The following NDST1 variants were observed in gnomAD, a reference collection of about 807,000 sequenced individuals.
NDST1 encodes the protein bifunctional heparan sulfate N-deacetylase/N-sulfotransferase 1.
A neutral mutation model predicts 92.8 loss-of-function variants in NDST1; 35 were observed. The observed-to-expected ratio is 0.38, with a 90% CI of 0.29 to 0.50. The LOEUF (loss-of-function observed/expected upper bound fraction) is 0.50. NDST1 is among the 20% of genes least tolerant of loss of function. NDST1 has a pLI of 0.94. For missense variants in NDST1, 822 were observed against 1,182.7 expected (o/e 0.69, Z 4.47); for synonymous variants, 493 against 500.3 (o/e 0.99, Z 0.19).
At chr5:150,535,593 C>A in intron 5 of NDST1, 107 bp from the exon 6 acceptor site, 1 of 1,394,918 alleles carries the variant, frequency 7.2e-7, no homozygotes, top group Non-Finnish European at 1.0e-6. Context: ...GACCAGCAGC[C>A]ATGCCGACCT....
intron 1 of NDST1, among the ~76,000 whole-genome samples, chr5:150,513,341 A>C (rs1753810425): frequency 6.6e-6 from 1 of 152,146 alleles, no homozygotes; most frequent in Non-Finnish European, 1.5e-5. Flanking sequence ...AAATACAAAA[A>C]TTAGCTGGGC....
intron 3 of NDST1, 36 bp downstream of exon 3, chr5:150,528,334 G>T: frequency 6.4e-7 from 1 of 1,554,756 alleles, no homozygotes; most frequent in South Asian, 1.2e-5. Flanking sequence ...CAAGGCAGGT[G>T]GGGCCTGGCA....
intron 3 of NDST1, 127 bp from the exon 4 acceptor site, chr5:150,532,818 C>A: frequency 1.1e-6 from 1 of 914,504 alleles, no homozygotes; most frequent in Non-Finnish European, 1.8e-6. Flanking sequence ...TGAGCCACCA[C>A]GCCGTCCTTG....
intron 1 of NDST1, among the ~76,000 whole-genome samples, chr5:150,516,557 A>T (rs1244729379): frequency 6.6e-6 from 1 of 152,192 alleles, no homozygotes; most frequent in Admixed American, 6.5e-5. Flanking sequence ...TTAGTTTTGA[A>T]TCGAAGCCAC....
At chr5:150,550,642 A>G (rs1755682464) in intron 13 of NDST1, 1 of 152,258 alleles carries the variant, frequency 6.6e-6, no homozygotes, top group Non-Finnish European at 1.5e-5. Flanking sequence ...CCTTGGCTCC[A>G]TTCTTGGGAA....
At chr5:150,506,866 C>G (rs897601601), upstream of NDST1, among the ~76,000 whole-genome samples, 1 of 152,206 alleles carries the variant, frequency 6.6e-6, no homozygotes, top group African/African-American at 2.4e-5. Flanking sequence ...TCAGCAGGCC[C>G]TGTGTTGTAC....
At chr5:150,544,682 T>C (rs961988863) in intron 10 of NDST1, among the ~76,000 whole-genome samples, 1 of 152,018 alleles carries the variant, frequency 6.6e-6, no homozygotes, top group African/African-American at 2.4e-5. Context: ...GGGTCTGGAG[T>C]GTTCCTTTGG....
At chr5:150,547,089 G>T (rs1755521254) in intron 11 of NDST1, among the ~76,000 whole-genome samples, 3 of 152,228 alleles carry the variant, frequency 2.0e-5, no homozygotes, top group African/African-American at 7.2e-5. Flanking sequence ...GTTTCTAGAA[G>T]GCAGAGGAGG....
chr5:150,535,650 A>G (rs1191935646), intron 5 of NDST1, 50 bp from the exon 6 acceptor site: 2 of 1,607,380 alleles, frequency 1.2e-6, no homozygotes, highest in East Asian at 2.2e-5. Context: ...GATAAGGCCC[A>G]AAGGGGAAGG....
chr5:150,529,021 A>G (rs1017923199), intron 3 of NDST1, among the ~76,000 whole-genome samples: 2 of 152,282 alleles, frequency 1.3e-5, no homozygotes, highest in Middle Eastern at 3.4e-3. Context: ...TAAAATAAGG[A>G]TGAGAGCTTG....
At chr5:150,537,455 T>G (rs1755043698) in intron 6 of NDST1, among the ~76,000 whole-genome samples, 3 of 152,324 alleles carry the variant, frequency 2.0e-5, no homozygotes, top group Non-Finnish European at 4.4e-5. Context: ...AACGTTTGTC[T>G]TTTACAGTTG....
rs186771000 is a variant in NDST1, at chr5:150,555,283, C to G, written c.*1951C>G. On this transcript the variant is annotated 3_prime_UTR_variant, in exon 15 of 15. Coordinates refer to ENST00000261797, the MANE Select transcript of NDST1 (RefSeq NM_001543.5). ...CAGGGTGCCTTTGAGCCTTCTCATT[C>G]CGAGGTCTGCGTTTGCATCCCTGTC... 6.5e-6 allele frequency: 1 copy of G among 152,954 alleles called. No individual in the cohort carries two copies. The highest frequency in any genetic ancestry group is 6.5e-5 in the Admixed American group (1 of 15,292). 9.5% of individuals were successfully genotyped at this position (152,954 alleles called of 1,614,324 possible).
intron 7 of NDST1, chr5:150,539,803 A>AT (rs1211129369): frequency 2.0e-6 from 2 of 984,094 alleles, no homozygotes; most frequent in Non-Finnish European, 2.4e-6. Context: ...TTTATCTTCC[A>AT]TGCACCCCAC....
intron 1 of NDST1, among the ~76,000 whole-genome samples, chr5:150,500,624 G>C (rs1052478936): frequency 1.3e-5 from 2 of 152,250 alleles, no homozygotes; most frequent in Non-Finnish European, 2.9e-5. Flanking sequence ...AGAGGAGGCA[G>C]ACTGAAAGCC....
At chr5:150,539,091 C>A in intron 6 of NDST1, 137 bp from the exon 7 acceptor site, 1 of 721,456 alleles carries the variant, frequency 1.4e-6, no homozygotes. Context: ...TAGGCTGCAC[C>A]CAAGGGTAGG....
chr5:150,515,087 A>G (rs1753898562), intron 1 of NDST1, among the ~76,000 whole-genome samples: 1 of 152,130 alleles, frequency 6.6e-6, no homozygotes, highest in African/African-American at 2.4e-5. Context: ...CCCCCAGTTT[A>G]CTCTGCACAG....
At chr5:150,517,799 G>A (rs1489578034) in intron 1 of NDST1, among the ~76,000 whole-genome samples, 2 of 152,240 alleles carry the variant, frequency 1.3e-5, no homozygotes, top group African/African-American at 4.8e-5. Context: ...TAATCTGATA[G>A]AGGGTCACTG....
At chr5:150,552,030 C>T (rs1242719970) in intron 14 of NDST1, 175 bp downstream of exon 14, 4 of 648,194 alleles carry the variant, frequency 6.2e-6, no homozygotes, top group Non-Finnish European at 7.7e-6. Flanking sequence ...TGGGTCAGAC[C>T]TGATTTCGTC....
chr5:150,542,443 C>T (rs927391344), intron 9 of NDST1, among the ~76,000 whole-genome samples: 6 of 152,256 alleles, frequency 3.9e-5, no homozygotes, highest in Middle Eastern at 3.4e-3. Flanking sequence ...TGACAAACTC[C>T]CTTTTCCCTG....
Sources: gnomAD v4.1 joint callset for allele counts (sites outside exome capture counted in the v4.1 genomes callset) on GRCh38, gnomAD v4.1.1 for gene constraint, MANE v1.5 for transcripts, NCBI Gene and HGNC (gene_info 2026-07-23, HGNC 2026-07-21) for gene names.